KLHDC4: variants seen among roughly 807,000 people sequenced by gnomAD.
The protein encoded by KLHDC4 is kelch domain containing 4.
In KLHDC4, 90 loss-of-function variants were observed where a neutral mutation model predicts 62.4. The ratio of observed to expected loss-of-function variants is 1.44; its 90% CI spans 1.22 to 1.72. KLHDC4 has a LOEUF of 1.72. Ranked by LOEUF, KLHDC4 falls within the 40% of genes most tolerant of loss-of-function variation. The pLI is 0.00. For missense variants in KLHDC4, 1,025 were observed against 699.7 expected, an observed-to-expected ratio of 1.47 and a Z score of -5.25; for synonymous variants, 386 against 284.4, an observed-to-expected ratio of 1.36 and a Z score of -3.59.
chr16:87,758,862 G>A (rs1382999438), intron 2 of KLHDC4, among the ~76,000 whole-genome samples: 3 of 151,464 alleles, frequency 2.0e-5, no homozygotes, highest in Non-Finnish European at 4.4e-5. Flanking sequence ...CCACTGAACT[G>A]CACAGTTTTA....
chr16:87,702,275 C>T (rs1296364693), exon 1 of KLHDC4: 1 of 456,248 alleles, frequency 2.2e-6, no homozygotes, highest in Non-Finnish European at 4.4e-6. Context: ...AAAGGGCAGC[C>T]ACTGTTTGGC....
chr16:87,734,537 T>C (rs1180432138), intron 5 of KLHDC4, among the ~76,000 whole-genome samples: 1 of 152,146 alleles, frequency 6.6e-6, no homozygotes, highest in Non-Finnish European at 1.5e-5. Flanking sequence ...CACCAGCTTC[T>C]CTCCTCTAGC....
intron 1 of KLHDC4, 73 bp downstream of exon 1, chr16:87,765,719 G>A (rs1303374683): frequency 7.0e-5 from 99 of 1,408,042 alleles, no homozygotes; most frequent in Non-Finnish European, 9.4e-5. Context: ...CCGTAACCCC[G>A]GGGGGCGCAG....
chr16:87,730,408 G>T, intron 6 of KLHDC4, 144 bp downstream of exon 6: 2 of 647,188 alleles, frequency 3.1e-6, no homozygotes, highest in Middle Eastern at 2.7e-4. Context: ...TGGAGGGCAA[G>T]GCCCTGTGTG....
rs2035346628 is a variant in KLHDC4 at position 87,709,520 on chromosome 16, T to C, written c.1192A>G (p.Ile398Val). ...CCTGGCGCGGTGAGCACCTGCTTAA[T>C]GGTGACCACGGTGCCATCCTCGGCC... Reference protein sequence around the residue: ...VVAEDGTVVTIKQVLTAPGSA... With the variant: ...VVAEDGTVVTVKQVLTAPGSA... The change falls in exon 10 of 12, where the codon ATT (isoleucine) becomes GTT (valine). Residue 398 changes from isoleucine to valine, a missense_variant. Ile to Val is a conservative substitution (Grantham distance 29, BLOSUM62 3). Coordinates refer to ENST00000270583, the MANE Select transcript of KLHDC4 (RefSeq NM_017566.4). The C allele has an allele frequency of 6.2e-7, 1 of 1,612,340 alleles. No homozygotes were observed. The highest frequency in any genetic ancestry group is 1.1e-5 in the South Asian group (1 of 91,082).
downstream of KLHDC4, among the ~76,000 whole-genome samples, chr16:87,704,554 G>A (rs529142215): frequency 1.3e-3 from 182 of 139,698 alleles, no homozygotes; most frequent in African/African-American, 4.3e-3. Context: ...TGAACGTCAC[G>A]GGGAAGGAGG....
At chr16:87,733,106 T>TATC (rs889699304) in intron 5 of KLHDC4, among the ~76,000 whole-genome samples, 3 of 150,366 alleles carry the variant, frequency 2.0e-5, no homozygotes, top group Non-Finnish European at 4.4e-5. Flanking sequence ...AAGCAAATCC[T>TATC]ATCCCAGCTT....
In KLHDC4 at chr16:87,751,819, A is replaced by C. The variant is rs1190207207; in HGVS notation, c.370-3010T>G. ...CCGGGCACGGTGGCTCACGCCTGTA[A>C]TCCCAGCACTTTGGGAGGCCGAGGC... On this transcript the variant is annotated intron_variant, in intron 4 of 11. Coordinates refer to ENST00000270583, the MANE Select transcript of KLHDC4 (RefSeq NM_017566.4). Among the ~76,000 whole-genome samples the C allele has an allele frequency of 2.0e-5, 3 of 152,132 alleles. No individual in the cohort carries two copies. The East Asian group carries it at 5.8e-4, about 29-fold the overall frequency.
At chr16:87,733,157 G>C (rs1052198359) in intron 5 of KLHDC4, among the ~76,000 whole-genome samples, 1 of 151,906 alleles carries the variant, frequency 6.6e-6, no homozygotes, top group African/African-American at 2.4e-5. Context: ...TCCTATCCCA[G>C]CTTCTACAGG....
chr16:87,763,224 G>C (rs2046137714), intron 1 of KLHDC4, among the ~76,000 whole-genome samples: 1 of 152,214 alleles, frequency 6.6e-6, no homozygotes, highest in African/African-American at 2.4e-5. Context: ...GGAACTCGAT[G>C]CTTATTAGTC....
At chr16:87,742,116 A>G (rs1436282943) in intron 5 of KLHDC4, among the ~76,000 whole-genome samples, 2 of 152,222 alleles carry the variant, frequency 1.3e-5, no homozygotes, top group African/African-American at 2.4e-5. Flanking sequence ...GACAGAGGAA[A>G]AACAGCCAGA....
downstream of KLHDC4, among the ~76,000 whole-genome samples, chr16:87,705,663 C>A (rs1258634080): frequency 6.6e-6 from 1 of 152,252 alleles, no homozygotes; most frequent in Non-Finnish European, 1.5e-5. Context: ...TCATAACAGA[C>A]AACTACATTG....
chr16:87,727,070 A>C, intron 6 of KLHDC4, 146 bp from the exon 7 acceptor site: 1 of 791,920 alleles, frequency 1.3e-6, no homozygotes, highest in Non-Finnish European at 2.0e-6. Context: ...TTACACCAAC[A>C]CAACAATCAA....
chr16:87,719,655 A>G (rs1327975315), intron 7 of KLHDC4, among the ~76,000 whole-genome samples: 1 of 151,316 alleles, frequency 6.6e-6, no homozygotes, highest in Admixed American at 6.6e-5. Context: ...ACACCCAAGA[A>G]TGATCAATAA....
intron 4 of KLHDC4, among the ~76,000 whole-genome samples, chr16:87,752,338 C>CTT (rs564903141): frequency 2.0e-4 from 26 of 133,116 alleles, no homozygotes; most frequent in Non-Finnish European, 3.7e-4. Flanking sequence ...ACTGTTTTTT[C>CTT]TTTTTTTTTT....
At chr16:87,749,039 T>C (rs1221751347) in intron 4 of KLHDC4, among the ~76,000 whole-genome samples, 1 of 150,954 alleles carries the variant, frequency 6.6e-6, no homozygotes, top group East Asian at 1.9e-4. Context: ...CATGTATCCC[T>C]AGGTTGCAAG....
At chr16:87,702,170 C>A (rs549199294) in exon 1 of KLHDC4, 2 of 456,312 alleles carry the variant, frequency 4.4e-6, no homozygotes, top group Non-Finnish European at 8.8e-6. Context: ...ATGGGTTCAA[C>A]GTTGACCACC....
chr16:87,753,184 T>C lies in KLHDC4; in HGVS notation c.369+2010A>G, dbSNP rs1013316009. ...GCTATGGGAGAAAAAGCCCTGGAAA[T>C]CTGCACGGGGGCGTCCCCTGGAGTC... On this transcript the variant is annotated intron_variant, in intron 4 of 11. Transcript: ENST00000270583. 6.6e-5 allele frequency among the ~76,000 whole-genome samples: 10 copies of C among 152,212 alleles called. No individual in the cohort carries two copies. The South Asian group carries it at 8.3e-4, about 13-fold the overall frequency.
At position 87,750,054 on chromosome 16, in the gene KLHDC4, C is replaced by T. The variant is rs376211029; in HGVS notation, c.370-1245G>A. ...GGCATCCCTGACGGGTCATCAGACA[C>T]CACCGGCTACTCCACATGAGGCCCT... On this transcript the variant is annotated intron_variant, in intron 4 of 11. Transcript: ENST00000270583. Among the ~76,000 whole-genome samples, 147 of 152,272 alleles carry T rather than the reference C, an allele frequency of 9.7e-4. 3 individuals are homozygous for T. In the South Asian group the frequency reaches 0.03, roughly 31 times the overall value.
Sources: allele counts gnomAD v4.1 joint callset (sites outside exome capture counted in the v4.1 genomes callset), GRCh38; gene constraint gnomAD v4.1.1; transcripts MANE v1.5; gene names NCBI Gene and HGNC (gene_info 2026-07-23, HGNC 2026-07-21).